The following TAS2R1 variants were observed in gnomAD, a reference collection of about 807,000 sequenced individuals.
TAS2R1 encodes the protein taste receptor type 2 member 1.
For synonymous variants in TAS2R1, 141 were observed against 134.2 expected (o/e 1.05, Z -0.35); for missense variants, 370 against 353.4 (o/e 1.05, Z -0.38).
the TAS2R1 span, among the ~76,000 whole-genome samples, chr5:9,755,208 C>T: frequency 2.6e-5 from 4 of 152,002 alleles, no homozygotes; most frequent in Admixed American, 1.3e-4. Flanking sequence ...ATCCAGACTC[C>T]GAGAGAGTAG....
chr5:9,642,656 G>A (rs1438939864), intron 2 of TAS2R1, among the ~76,000 whole-genome samples: 2 of 152,058 alleles, frequency 1.3e-5, no homozygotes, highest in Admixed American at 6.6e-5. Context: ...ATTTATTCTA[G>A]TAATATATTT....
the TAS2R1 span, among the ~76,000 whole-genome samples, chr5:9,882,347 G>T: frequency 6.6e-6 from 1 of 152,144 alleles, no homozygotes. Context: ...TCAAGAAATG[G>T]CTGGGCGCAG....
chr5:9,817,602 A>C, the TAS2R1 span, among the ~76,000 whole-genome samples: 11 of 152,302 alleles, frequency 7.2e-5, no homozygotes, highest in Admixed American at 3.9e-4. Context: ...TTTAAAATGG[A>C]GAATTTTCTT....
At chr5:9,735,306 A>G in the TAS2R1 span, among the ~76,000 whole-genome samples, 1 of 151,514 alleles carries the variant, frequency 6.6e-6, no homozygotes, top group African/African-American at 2.5e-5. Context: ...CCTACATCTG[A>G]GCCAAAATAA....
chr5:9,901,437 A>G, the TAS2R1 span, among the ~76,000 whole-genome samples: 4 of 152,150 alleles, frequency 2.6e-5, no homozygotes, highest in South Asian at 8.4e-4. Context: ...ATTCTTCTGG[A>G]AAACAATGTG....
chr5:9,698,159 C>CA (rs1741399061), intron 1 of TAS2R1, among the ~76,000 whole-genome samples: 1 of 151,946 alleles, frequency 6.6e-6, no homozygotes, highest in African/African-American at 2.4e-5. Context: ...AAATAAGGAA[C>CA]AAAAGGCTAT....
intron 1 of TAS2R1, among the ~76,000 whole-genome samples, chr5:9,693,081 T>A (rs1360803780): frequency 6.6e-6 from 1 of 152,212 alleles, no homozygotes; most frequent in Non-Finnish European, 1.5e-5. Flanking sequence ...TCTCTGGGCA[T>A]GAGCAAAACA....
At chr5:9,640,975 C>T (rs1740070887) in intron 2 of TAS2R1, among the ~76,000 whole-genome samples, 1 of 152,156 alleles carries the variant, frequency 6.6e-6, no homozygotes, top group Non-Finnish European at 1.5e-5. Context: ...TGTCATATTG[C>T]CATGACATTT....
intron 2 of TAS2R1, among the ~76,000 whole-genome samples, chr5:9,649,801 T>G (rs554432494): frequency 6.6e-6 from 1 of 152,290 alleles, no homozygotes; most frequent in Admixed American, 6.5e-5. Flanking sequence ...TTATTAAAGT[T>G]AGATTCATGA....
the TAS2R1 span, among the ~76,000 whole-genome samples, chr5:9,897,622 T>G: frequency 5.3e-5 from 8 of 152,230 alleles, no homozygotes; most frequent in African/African-American, 1.9e-4. Flanking sequence ...AAAGTAGGCA[T>G]GTATTATATC....
the TAS2R1 span, among the ~76,000 whole-genome samples, chr5:9,751,238 G>A: frequency 4.2e-3 from 637 of 151,916 alleles, 5 homozygotes; most frequent in African/African-American, 0.015. Context: ...AATATTCACA[G>A]GTTTCATAAG....
chr5:9,777,877 G>GTT, the TAS2R1 span, among the ~76,000 whole-genome samples: 875 of 142,894 alleles, frequency 6.1e-3, 16 homozygotes, highest in African/African-American at 0.02. Context: ...GAGGCCAGGT[G>GTT]TTTTTTTTTT....
the TAS2R1 span, among the ~76,000 whole-genome samples, chr5:9,882,727 T>C: frequency 9.9e-5 from 15 of 152,260 alleles, no homozygotes; most frequent in African/African-American, 3.1e-4. Flanking sequence ...GTTGGTGAGA[T>C]TGTAAATTAG....
chr5:9,830,177 T>TTGGATGGATGGATGGATGGA, the TAS2R1 span, among the ~76,000 whole-genome samples: 34 of 132,612 alleles, frequency 2.6e-4, no homozygotes, highest in African/African-American at 8.4e-4. Flanking sequence ...AGAGAACAGA[T>TTGGATGGATGGATGGATGGA]TGGATGGATG....
chr5:9,856,496 G>T, the TAS2R1 span, among the ~76,000 whole-genome samples: 1 of 152,168 alleles, frequency 6.6e-6, no homozygotes, highest in African/African-American at 2.4e-5. Flanking sequence ...TCTGGAGTAG[G>T]TATTAAAGGA....
the TAS2R1 span, among the ~76,000 whole-genome samples, chr5:9,886,557 C>A: frequency 0.016 from 2,419 of 152,064 alleles, 61 homozygotes; most frequent in African/African-American, 0.055. Flanking sequence ...TGGTCTCCAA[C>A]TCCTGACCTC....
At chr5:9,860,423 C>A in the TAS2R1 span, among the ~76,000 whole-genome samples, 4 of 152,186 alleles carry the variant, frequency 2.6e-5, no homozygotes, top group Admixed American at 6.5e-5. Context: ...CTCATCTCTC[C>A]AGACTCTGAG....
chr5:9,863,894 A>C, the TAS2R1 span, among the ~76,000 whole-genome samples: 35 of 152,356 alleles, frequency 2.3e-4, no homozygotes, highest in African/African-American at 7.9e-4. Flanking sequence ...ACAGTTACCC[A>C]AGTAAAGTTC....
the TAS2R1 span, among the ~76,000 whole-genome samples, chr5:9,850,209 GTC>G: frequency 6.6e-6 from 1 of 152,110 alleles, no homozygotes; most frequent in Non-Finnish European, 1.5e-5. Flanking sequence ...TGGCTTTGGT[GTC>G]TGTGTCTCTA....
Sources: allele counts gnomAD v4.1 joint callset (sites outside exome capture counted in the v4.1 genomes callset), GRCh38; gene constraint gnomAD v4.1.1; transcripts MANE v1.5; gene names NCBI Gene and HGNC (gene_info 2026-07-23, HGNC 2026-07-21).